The following DPP6 variants were observed in gnomAD, a reference collection of about 807,000 sequenced individuals.
DPP6 encodes dipeptidyl peptidase like 6.
A neutral mutation model predicts 122.6 loss-of-function variants in DPP6; 69 were observed. That is an observed-to-expected ratio of 0.56 (90% CI 0.46 to 0.69). The LOEUF is 0.69. DPP6 is among the 30% of genes least tolerant of loss of function. The pLI is 0.00. For missense variants in DPP6, 928 were observed against 1,116.9 expected, an observed-to-expected ratio of 0.83 and a Z score of 2.41; for synonymous variants, 418 against 433.1, an observed-to-expected ratio of 0.97 and a Z score of 0.43.
intron 2 of DPP6, among the ~76,000 whole-genome samples, chr7:154,463,316 T>A (rs1207098402): frequency 6.9e-6 from 1 of 145,944 alleles, no homozygotes; most frequent in African/African-American, 2.5e-5. Context: ...CACGCCATTC[T>A]CCTGCCTCAG....
the DPP6 span, among the ~76,000 whole-genome samples, chr7:153,856,136 C>G: frequency 6.6e-6 from 1 of 152,166 alleles, no homozygotes; most frequent in African/African-American, 2.4e-5. Flanking sequence ...TGAGGCACCT[C>G]ACTGAAGGTA....
chr7:153,946,071 G>A (rs1312000225), intron 1 of DPP6, among the ~76,000 whole-genome samples: 1 of 152,164 alleles, frequency 6.6e-6, no homozygotes, highest in Admixed American at 6.5e-5. Context: ...AAGAAACATA[G>A]CTCTGAGCAG....
At chr7:153,809,225 C>T in the DPP6 span, among the ~76,000 whole-genome samples, 54 of 149,044 alleles carry the variant, frequency 3.6e-4, no homozygotes, top group East Asian at 6.0e-4. Flanking sequence ...AGGCCCTTTG[C>T]CTATTGTTTT....
At chr7:154,835,731 G>C (rs916214023) in intron 16 of DPP6, among the ~76,000 whole-genome samples, 1 of 152,200 alleles carries the variant, frequency 6.6e-6, no homozygotes, top group Non-Finnish European at 1.5e-5. Flanking sequence ...TGAGAGCCCA[G>C]AGTGTACAAA....
chr7:154,344,972 G>T (rs932421502), intron 1 of DPP6, among the ~76,000 whole-genome samples: 1 of 152,188 alleles, frequency 6.6e-6, no homozygotes, highest in Non-Finnish European at 1.5e-5. Context: ...TTAATAGCTG[G>T]CACTTAAACA....
chr7:154,669,259 G>C lies in DPP6; in HGVS notation c.681-101G>C, dbSNP rs1838393867. On this transcript the variant is annotated intron_variant, in intron 6 of 25. Transcript: ENST00000377770. ...GCTCTTGAAATGGATACCATGGAAG[G>C]AGAAAGGAGTTAAGTTATAGGTAGG... 17 of 1,520,466 alleles carry C rather than the reference G, an allele frequency of 1.1e-5. No individual in the cohort carries two copies. The South Asian group carries it at 1.8e-4, about 16-fold the overall frequency. 94.2% of individuals were successfully genotyped at this position (1,520,466 alleles called of 1,614,324 possible).
the DPP6 span, among the ~76,000 whole-genome samples, chr7:153,804,312 A>G: frequency 2.6e-5 from 4 of 152,046 alleles, no homozygotes; most frequent in African/African-American, 7.2e-5. Flanking sequence ...TTGGCCTCCC[A>G]AAGTGCTGAG....
At chr7:154,592,543 G>T (rs1832864088) in intron 5 of DPP6, among the ~76,000 whole-genome samples, 1 of 152,182 alleles carries the variant, frequency 6.6e-6, no homozygotes, top group African/African-American at 2.4e-5. Flanking sequence ...TGTTTATCAT[G>T]TGTCAGGCAG....
At chr7:154,463,484 G>A (rs1408139257) in intron 2 of DPP6, among the ~76,000 whole-genome samples, 1 of 152,024 alleles carries the variant, frequency 6.6e-6, no homozygotes. Flanking sequence ...TGGGATTACA[G>A]GCGTGAGCCA....
At chr7:154,170,823 A>C (rs1585543555) in intron 1 of DPP6, among the ~76,000 whole-genome samples, 1 of 152,116 alleles carries the variant, frequency 6.6e-6, no homozygotes, top group African/African-American at 2.4e-5. Context: ...CATAAGGTTG[A>C]TATTTTTTTC....
chr7:154,446,357 T>G, intron 2 of DPP6, 29 bp downstream of exon 2: 1 of 1,561,462 alleles, frequency 6.4e-7, no homozygotes, highest in South Asian at 1.2e-5. Flanking sequence ...GAAAAGCAAG[T>G]CGCTGTCAGA....
intron 1 of DPP6, among the ~76,000 whole-genome samples, chr7:154,195,765 C>G (rs1319503805): frequency 6.6e-6 from 1 of 152,208 alleles, no homozygotes; most frequent in Non-Finnish European, 1.5e-5. Flanking sequence ...TGTTATGCCA[C>G]TCCTTTGAAA....
chr7:153,846,036 G>A, the DPP6 span, among the ~76,000 whole-genome samples: 1 of 152,120 alleles, frequency 6.6e-6, no homozygotes, highest in African/African-American at 2.4e-5. Context: ...GTTAGTGTAT[G>A]TTTAACTTTA....
At chr7:154,368,565 C>A (rs548257326) in intron 1 of DPP6, among the ~76,000 whole-genome samples, 1 of 152,194 alleles carries the variant, frequency 6.6e-6, no homozygotes, top group East Asian at 1.9e-4. Flanking sequence ...TCTAGCATAT[C>A]GTCTTTGGAA....
At chr7:154,313,729 G>GA (rs1807167298) in intron 1 of DPP6, among the ~76,000 whole-genome samples, 1 of 59,678 alleles carries the variant, frequency 1.7e-5, no homozygotes, top group Non-Finnish European at 3.8e-5. Context: ...ACACACGCAC[G>GA]CACACACACA....
At chr7:154,291,098 A>T (rs73727947) in intron 1 of DPP6, among the ~76,000 whole-genome samples, 5,546 of 152,236 alleles carry the variant, frequency 0.036, 146 homozygotes, top group African/African-American at 0.074. Flanking sequence ...CTCCCCTCCA[A>T]AAACAATCCC....
chr7:153,878,578 G>A, the DPP6 span, among the ~76,000 whole-genome samples: 99 of 152,192 alleles, frequency 6.5e-4, no homozygotes, highest in African/African-American at 2.1e-3. Flanking sequence ...GCTAACTAGC[G>A]TTAGAAGTCA....
chr7:154,233,363 G>C (rs2150855830), intron 1 of DPP6, among the ~76,000 whole-genome samples: 1 of 152,334 alleles, frequency 6.6e-6, no homozygotes, highest in East Asian at 1.9e-4. Context: ...TGGCTAAGGA[G>C]CTTATAAGCA....
At chr7:154,721,663 G>T (rs1841816833) in intron 7 of DPP6, among the ~76,000 whole-genome samples, 1 of 152,166 alleles carries the variant, frequency 6.6e-6, no homozygotes, top group Non-Finnish European at 1.5e-5. Flanking sequence ...AGCTAGACCT[G>T]ATCATAATTA....
Sources: gnomAD v4.1 joint callset for allele counts (sites outside exome capture counted in the v4.1 genomes callset) on GRCh38, gnomAD v4.1.1 for gene constraint, MANE v1.5 for transcripts, NCBI Gene and HGNC (gene_info 2026-07-23, HGNC 2026-07-21) for gene names.